The following ASPH variants were observed in gnomAD, a reference collection of about 807,000 sequenced individuals.
ASPH encodes aspartate beta-hydroxylase.
Under a neutral mutation model 118.4 loss-of-function variants are expected in ASPH, and 100 were observed. That is an observed-to-expected ratio of 0.84 (90% CI 0.72 to 1.00). The LOEUF is 1.00. Among genes scored for constraint, ASPH ranks in the 50% least tolerant of loss-of-function variants. The pLI is 0.00. For missense variants in ASPH, 920 were observed against 919.5 expected (o/e 1.00, Z -0.01); for synonymous variants, 315 against 325.6 (o/e 0.97, Z 0.35).
At chr8:61,665,600 T>G in intron 3 of ASPH, 1 of 1,563,950 alleles carries the variant, frequency 6.4e-7, no homozygotes, top group Non-Finnish European at 8.6e-7. Context: ...TTTAGTGAGT[T>G]CTTTAACTTT....
At chr8:61,553,197 T>C (rs1826639070) in intron 19 of ASPH, 77 bp from the exon 20 acceptor site, 1 of 1,149,142 alleles carries the variant, frequency 8.7e-7, no homozygotes, top group Non-Finnish European at 1.3e-6. Context: ...TAGCTTTTCT[T>C]ATGGCACATC....
chr8:61,593,018 G>A (rs566222882), intron 14 of ASPH, among the ~76,000 whole-genome samples: 4 of 152,294 alleles, frequency 2.6e-5, no homozygotes, highest in South Asian at 4.1e-4. Flanking sequence ...TCCTACAGGC[G>A]GGGGATGTGG....
chr8:61,637,924 C>T (rs1413966382), intron 12 of ASPH, 23 bp downstream of exon 12: 4 of 1,593,542 alleles, frequency 2.5e-6, no homozygotes, highest in South Asian at 1.1e-5. Flanking sequence ...GAAGGTAAAA[C>T]CACTTCCATA....
chr8:61,526,182 T>G, intron 21 of ASPH, 70 bp from the exon 22 acceptor site: 3 of 1,575,614 alleles, frequency 1.9e-6, no homozygotes, highest in Admixed American at 1.9e-5. Flanking sequence ...TGACTCTTGT[T>G]TTTTTTGAGG....
intron 10 of ASPH, among the ~76,000 whole-genome samples, chr8:61,639,673 C>CT (rs1341135341): frequency 6.6e-6 from 1 of 152,184 alleles, no homozygotes; most frequent in Non-Finnish European, 1.5e-5. Flanking sequence ...CACGTAACTA[C>CT]TCTGATGGTT....
intron 14 of ASPH, among the ~76,000 whole-genome samples, chr8:61,615,010 A>C (rs751434105): frequency 6.6e-6 from 1 of 152,128 alleles, no homozygotes; most frequent in African/African-American, 2.4e-5. Flanking sequence ...GAGCCTTTGA[A>C]AATATAATGC....
intron 24 of ASPH, among the ~76,000 whole-genome samples, chr8:61,516,743 C>T (rs371194759): frequency 1.3e-5 from 2 of 152,020 alleles, no homozygotes; most frequent in Non-Finnish European, 2.9e-5. Flanking sequence ...GGTGAAAAGA[C>T]GGGCATTCTA....
chr8:61,689,790 T>C, intron 1 of ASPH: 2 of 1,498,626 alleles, frequency 1.3e-6, no homozygotes, highest in Non-Finnish European at 8.9e-7. Flanking sequence ...CTGCATGCAC[T>C]TGCCTACCAG....
At chr8:61,523,674 C>T (rs192206365) in intron 22 of ASPH, among the ~76,000 whole-genome samples, 9 of 151,614 alleles carry the variant, frequency 5.9e-5, no homozygotes, top group African/African-American at 1.7e-4. Flanking sequence ...TGGATTCCCC[C>T]ACTAGAAGCA....
chr8:61,710,109 A>G (rs1373023009), intron 1 of ASPH, among the ~76,000 whole-genome samples: 1 of 152,228 alleles, frequency 6.6e-6, no homozygotes, highest in Non-Finnish European at 1.5e-5. Flanking sequence ...AACGGAAACA[A>G]CTGAGAAACA....
At chr8:61,529,045 C>A (rs57976929) in intron 21 of ASPH, among the ~76,000 whole-genome samples, 1 of 152,086 alleles carries the variant, frequency 6.6e-6, no homozygotes, top group Non-Finnish European at 1.5e-5. Context: ...GGGAAGGAAC[C>A]ATACTGTTAA....
chr8:61,633,774 T>C, intron 12 of ASPH, 47 bp from the exon 13 acceptor site: 1 of 1,339,108 alleles, frequency 7.5e-7, no homozygotes, highest in Non-Finnish European at 1.0e-6. Context: ...TGCTGATCAG[T>C]GTTTAAAATA....
chr8:61,527,279 T>C (rs900758364), intron 21 of ASPH, among the ~76,000 whole-genome samples: 1 of 152,230 alleles, frequency 6.6e-6, no homozygotes, highest in African/African-American at 2.4e-5. Context: ...AATGATCAAT[T>C]ATTGGTTAGA....
At chr8:61,700,063 C>T (rs1834868198) in intron 1 of ASPH, among the ~76,000 whole-genome samples, 1 of 152,232 alleles carries the variant, frequency 6.6e-6, no homozygotes, top group African/African-American at 2.4e-5. Context: ...CTGACTGACA[C>T]ACAATGGGCT....
chr8:61,504,998 TC>T (rs1285883727), intron 24 of ASPH, among the ~76,000 whole-genome samples: 2 of 152,172 alleles, frequency 1.3e-5, no homozygotes, highest in East Asian at 3.9e-4. Context: ...TTTGGATGTG[TC>T]CCCACCCAAA....
intron 1 of ASPH, among the ~76,000 whole-genome samples, chr8:61,703,550 A>C (rs937545602): frequency 2.0e-5 from 3 of 152,208 alleles, no homozygotes; most frequent in Non-Finnish European, 4.4e-5. Flanking sequence ...ATTTAGAAAA[A>C]TGTTTAACAG....
chr8:61,624,665 G>C lies in ASPH; in HGVS notation c.935-5646C>G, dbSNP rs1047654560. The C allele has an allele frequency of 3.0e-6, 3 of 985,152 alleles. No individual in the cohort carries two copies. The African/African-American group carries it at 5.2e-5, about 17-fold the overall frequency. The allele number at this position is 985,152 out of a possible 1,614,324, so 61.0% of individuals were successfully genotyped here. On this transcript the variant is annotated intron_variant, in intron 13 of 24. Transcript: ENST00000379454. ...CAAGGCTCATTAATTCAGATATTTG[G>C]AATTCAAAAATATTTAAAGTTAACC...
chr8:61,665,433 C>T, intron 3 of ASPH: 1 of 1,599,754 alleles, frequency 6.3e-7, no homozygotes, highest in Non-Finnish European at 8.5e-7. Flanking sequence ...TTCTCTTTTT[C>T]TCTGTCCTTT....
At chr8:61,654,119 AAAAAG>A (rs1812444808) in intron 3 of ASPH, among the ~76,000 whole-genome samples, 1 of 152,194 alleles carries the variant, frequency 6.6e-6, no homozygotes, top group African/African-American at 2.4e-5. Context: ...AGTTAAAAAG[AAAAAG>A]AAATCATACA....
Sources: allele counts gnomAD v4.1 joint callset (sites outside exome capture counted in the v4.1 genomes callset), GRCh38; gene constraint gnomAD v4.1.1; transcripts MANE v1.5; gene names NCBI Gene and HGNC (gene_info 2026-07-23, HGNC 2026-07-21).